The following CDKAL1 variants were observed in gnomAD, a reference collection of about 807,000 sequenced individuals.
CDKAL1 encodes the protein CDKAL1 threonylcarbamoyladenosine tRNA methylthiotransferase, also known as threonylcarbamoyladenosine tRNA methylthiotransferase.
In CDKAL1, 32 loss-of-function variants were observed where a neutral mutation model predicts 68.2. That is an observed-to-expected ratio of 0.47 (90% CI 0.35 to 0.63). The LOEUF (loss-of-function observed/expected upper bound fraction) is 0.63, where lower values mean the gene tolerates loss of function less well. CDKAL1 is among the 30% of genes least tolerant of loss of function. The probability of loss-of-function intolerance (pLI) is 0.00; values close to 1 mark genes in which losing one functional copy is unlikely to be tolerated. For missense variants in CDKAL1, 606 were observed against 696.7 expected, an observed-to-expected ratio of 0.87 and a Z score of 1.47; for synonymous variants, 234 against 244.3, an observed-to-expected ratio of 0.96 and a Z score of 0.39.
At chr6:20,939,650 G>A (rs1300246160) in intron 9 of CDKAL1, among the ~76,000 whole-genome samples, 1 of 152,150 alleles carries the variant, frequency 6.6e-6, no homozygotes, top group East Asian at 1.9e-4. Flanking sequence ...ATCCTTGTAA[G>A]TAAATGCCAC....
In CDKAL1 at chr6:20,646,901, G is replaced by A. The variant is rs1768492591; in HGVS notation, c.287-2392G>A. Among the ~76,000 whole-genome samples the A allele has an allele frequency of 2.6e-5, 4 of 151,902 alleles. No homozygotes were observed. The South Asian group carries it at 6.2e-4, about 24-fold the overall frequency. On this transcript the variant is annotated intron_variant, in intron 4 of 15. Transcript: ENST00000274695. The stretch of plus-strand genomic sequence containing the variant: ...TGGGATTACAGGTGCCCGCCCCCAC[G>A]CCCGGCTAATTTTTTGTATTATTAG...
At chr6:21,126,533 C>T (rs898936736) in intron 13 of CDKAL1, among the ~76,000 whole-genome samples, 5 of 152,332 alleles carry the variant, frequency 3.3e-5, no homozygotes, top group Non-Finnish European at 7.3e-5. Context: ...AGCTCATTTT[C>T]CCGCTTCTGG....
At chr6:20,579,327 A>G (rs1765046730) in intron 4 of CDKAL1, among the ~76,000 whole-genome samples, 1 of 152,186 alleles carries the variant, frequency 6.6e-6, no homozygotes, top group South Asian at 2.1e-4. Context: ...CATGAATGAA[A>G]GTATATTACA....
intron 13 of CDKAL1, among the ~76,000 whole-genome samples, chr6:21,190,980 G>T (rs538131650): frequency 1.3e-5 from 2 of 152,162 alleles, no homozygotes; most frequent in Non-Finnish European, 2.9e-5. Context: ...ATAAAGAGAA[G>T]AGCAACTTTA....
intron 5 of CDKAL1, among the ~76,000 whole-genome samples, chr6:20,678,829 A>G (rs1322175035): frequency 6.6e-6 from 1 of 152,150 alleles, no homozygotes; most frequent in Admixed American, 6.5e-5. Context: ...AGTGTTATTT[A>G]GGAAGTTGCA....
chr6:20,928,493 G>A (rs1420734515), intron 9 of CDKAL1, among the ~76,000 whole-genome samples: 2 of 152,072 alleles, frequency 1.3e-5, no homozygotes, highest in African/African-American at 4.8e-5. Context: ...GGTATCCTTA[G>A]CTTCCATCAG....
intron 5 of CDKAL1, among the ~76,000 whole-genome samples, chr6:20,668,535 T>G (rs568764119): frequency 3.3e-5 from 5 of 152,312 alleles, no homozygotes; most frequent in Admixed American, 2.0e-4. Flanking sequence ...TTGTTGACTA[T>G]GTAGAGTATG....
At chr6:21,101,444 A>G (rs9368276) in intron 12 of CDKAL1, among the ~76,000 whole-genome samples, 27,300 of 152,118 alleles carry the variant, frequency 0.18, 2,549 homozygotes, top group East Asian at 0.26. Flanking sequence ...GGCCAAATCT[A>G]GCGTCTTCAT....
At chr6:20,778,523 C>T (rs917001923) in intron 7 of CDKAL1, among the ~76,000 whole-genome samples, 3 of 152,046 alleles carry the variant, frequency 2.0e-5, no homozygotes, top group Admixed American at 6.6e-5. Flanking sequence ...TGGAAAGAGA[C>T]GTAGTGTAAG....
chr6:20,895,871 ACTTT>A (rs1299126989), intron 9 of CDKAL1, among the ~76,000 whole-genome samples: 1 of 151,874 alleles, frequency 6.6e-6, no homozygotes, highest in African/African-American at 2.4e-5. Context: ...TTGTCCCTCA[ACTTT>A]CTTTATCCAG....
At chr6:21,108,551 A>T in intron 13 of CDKAL1, 88 bp downstream of exon 13, 5 of 780,300 alleles carry the variant, frequency 6.4e-6, no homozygotes, top group Non-Finnish European at 1.0e-5. Context: ...TGATTCTGAA[A>T]TACACTTACC....
chr6:20,828,351 C>T (rs1411112315), intron 8 of CDKAL1, among the ~76,000 whole-genome samples: 1 of 152,018 alleles, frequency 6.6e-6, no homozygotes, highest in Non-Finnish European at 1.5e-5. Context: ...GCCTCAGCCT[C>T]CCAAGTAGCT....
chr6:20,830,710 C>T (rs1297366024), intron 8 of CDKAL1, among the ~76,000 whole-genome samples: 1 of 152,072 alleles, frequency 6.6e-6, no homozygotes, highest in African/African-American at 2.4e-5. Context: ...CTCTCCTCTC[C>T]TATTAAGAAT....
At chr6:20,793,163 A>G (rs1775968226) in intron 8 of CDKAL1, among the ~76,000 whole-genome samples, 1 of 150,452 alleles carries the variant, frequency 6.6e-6, no homozygotes, top group African/African-American at 2.4e-5. Flanking sequence ...TTCTGTGCTT[A>G]CTCCTAAAAT....
intron 13 of CDKAL1, among the ~76,000 whole-genome samples, chr6:21,191,489 C>G (rs1778235063): frequency 6.6e-6 from 1 of 152,188 alleles, no homozygotes; most frequent in Non-Finnish European, 1.5e-5. Flanking sequence ...TTTCTCTGCT[C>G]AAGGAAAAGT....
At chr6:21,167,086 A>C (rs1393073116) in intron 13 of CDKAL1, among the ~76,000 whole-genome samples, 2 of 152,206 alleles carry the variant, frequency 1.3e-5, no homozygotes, top group African/African-American at 2.4e-5. Context: ...AGGTGAAAGC[A>C]ATGTGATATC....
chr6:20,795,179 G>A (rs1776058966), intron 8 of CDKAL1, among the ~76,000 whole-genome samples: 1 of 151,992 alleles, frequency 6.6e-6, no homozygotes, highest in Non-Finnish European at 1.5e-5. Context: ...AGGTTTATAT[G>A]TTTGTATTTC....
At chr6:21,175,418 G>A (rs1382969854) in intron 13 of CDKAL1, among the ~76,000 whole-genome samples, 2 of 152,030 alleles carry the variant, frequency 1.3e-5, no homozygotes, top group Admixed American at 6.5e-5. Context: ...ACCCCTCTTT[G>A]TTGAAACAAC....
chr6:20,949,247 T>C (rs1764406933), intron 9 of CDKAL1, among the ~76,000 whole-genome samples: 1 of 152,224 alleles, frequency 6.6e-6, no homozygotes, highest in Non-Finnish European at 1.5e-5. Flanking sequence ...TGTTGTAGGG[T>C]AATAAGGAAC....
Sources: allele counts gnomAD v4.1 joint callset (sites outside exome capture counted in the v4.1 genomes callset), GRCh38; gene constraint gnomAD v4.1.1; transcripts MANE v1.5; gene names NCBI Gene and HGNC (gene_info 2026-07-23, HGNC 2026-07-21).